The following NAV3 variants were observed in gnomAD, a reference collection of about 807,000 sequenced individuals.
NAV3 encodes the protein pore membrane and/or filament interacting like protein 1.
Under a neutral mutation model 244.7 loss-of-function variants are expected in NAV3, and 87 were observed. The ratio of observed to expected loss-of-function variants is 0.36; its 90% CI spans 0.30 to 0.42. The LOEUF is 0.42. Ranked by LOEUF, NAV3 falls within the 20% of genes least tolerant of loss-of-function variation. The pLI is 1.00. For missense variants in NAV3, 2,663 were observed against 2,893.3 expected, an observed-to-expected ratio of 0.92 and a Z score of 1.83; for synonymous variants, 1,126 against 1,042.2, an observed-to-expected ratio of 1.08 and a Z score of -1.55.
At chr12:77,655,934 C>A (rs1873077342) in intron 2 of NAV3, among the ~76,000 whole-genome samples, 1 of 143,698 alleles carries the variant, frequency 7.0e-6, no homozygotes, top group Admixed American at 6.9e-5. Context: ...ACCAGGCCTG[C>A]CCTAAAAGAG....
At chr12:78,070,367 T>C (rs1400942802) in intron 12 of NAV3, among the ~76,000 whole-genome samples, 1 of 151,606 alleles carries the variant, frequency 6.6e-6, no homozygotes, top group Non-Finnish European at 1.5e-5. Context: ...ACACCACTAG[T>C]AAATGCCAGA....
chr12:77,658,633 A>G (rs1308459209), intron 2 of NAV3, among the ~76,000 whole-genome samples: 7 of 152,144 alleles, frequency 4.6e-5, no homozygotes, highest in Non-Finnish European at 1.0e-4. Flanking sequence ...GGAACCAAAA[A>G]GGAGCCCGCA....
chr12:77,751,157 C>T (rs1170936919), intron 2 of NAV3, among the ~76,000 whole-genome samples: 1 of 152,126 alleles, frequency 6.6e-6, no homozygotes, highest in Non-Finnish European at 1.5e-5. Flanking sequence ...TGGTGTTGGT[C>T]AGGACAAGGT....
At position 78,137,263 on chromosome 12, in the gene NAV3, G is replaced by T. The variant is rs200005671; in HGVS notation, c.4528G>T (p.Asp1510Tyr). 6.2e-7 allele frequency: 1 copy of T among 1,613,618 alleles called. No individual in the cohort carries two copies. The stretch of plus-strand genomic sequence containing the variant: ...CATCCCAGCCCAAGACTCTTCCTTC[G>T]ATCTCTATGATGACTCCCAGCTTTG... ...NSIPAQDSSF[D>Y]LYDDSQLCGS... Residue 1510 changes from aspartate to tyrosine, a missense_variant, in exon 19 of 40, where the codon GAT becomes TAT. Transcript: ENST00000397909.
chr12:78,016,384 G>A lies in NAV3; in HGVS notation c.1908-5363G>A, dbSNP rs185853628. ...CCTCCAATTCCAACTCAACACCACA[G>A]TTTATTTTTCTTTCCATACTTGTGC... is the stretch of plus-strand genomic sequence containing the variant. On this transcript the variant is annotated intron_variant, in intron 8 of 39. Transcript: ENST00000397909. Among the ~76,000 whole-genome samples, 30 of 152,024 alleles carry A rather than the reference G, an allele frequency of 2.0e-4. 1 individual carries two copies. The East Asian group carries it at 3.3e-3, about 17-fold the overall frequency.
chr12:77,788,160 A>C (rs902364581), intron 2 of NAV3, among the ~76,000 whole-genome samples: 2 of 152,224 alleles, frequency 1.3e-5, no homozygotes, highest in African/African-American at 4.8e-5. Context: ...AATTGTACTG[A>C]ATATCAATAG....
At chr12:77,917,082 A>C (rs1026628589) in intron 1 of NAV3, among the ~76,000 whole-genome samples, 2 of 152,006 alleles carry the variant, frequency 1.3e-5, no homozygotes, top group African/African-American at 4.8e-5. Context: ...CAATGTAAAA[A>C]TCTGACATAT....
At chr12:77,782,754 A>G (rs1267749769) in intron 2 of NAV3, among the ~76,000 whole-genome samples, 1 of 152,236 alleles carries the variant, frequency 6.6e-6, no homozygotes, top group East Asian at 1.9e-4. Context: ...GTGAGCTTAA[A>G]GTAGTATCCA....
intron 10 of NAV3, 50 bp downstream of exon 10, chr12:78,050,151 C>G (rs1882519704): frequency 7.9e-7 from 1 of 1,263,496 alleles, no homozygotes; most frequent in African/African-American, 1.5e-5. Flanking sequence ...AAAATAATTA[C>G]AAACAAACAT....
chr12:78,096,094 C>T (rs1301619261), intron 12 of NAV3, among the ~76,000 whole-genome samples: 2 of 152,144 alleles, frequency 1.3e-5, no homozygotes, highest in Non-Finnish European at 1.5e-5. Flanking sequence ...GAAGGTAAGA[C>T]AGAGTAGTAT....
chr12:78,126,791 TAGCC>T (rs1373906060), intron 16 of NAV3, among the ~76,000 whole-genome samples: 4 of 152,172 alleles, frequency 2.6e-5, no homozygotes, highest in Admixed American at 6.5e-5. Flanking sequence ...CACTCTAACT[TAGCC>T]AGAGCAGATC....
At chr12:77,614,941 C>T (rs1260977136) in intron 2 of NAV3, among the ~76,000 whole-genome samples, 1 of 152,106 alleles carries the variant, frequency 6.6e-6, no homozygotes, top group Non-Finnish European at 1.5e-5. Flanking sequence ...GTGGTAGCAA[C>T]ATCTGGAGAC....
In NAV3 at chr12:78,190,140, A is replaced by G. The variant is rs753899544; in HGVS notation, c.6212A>G (p.Glu2071Gly). Residue 2071 changes from glutamate to glycine, a missense_variant, in exon 34 of 40, where the codon GAA becomes GGA. Physicochemically the swap from Glu to Gly is moderately conservative, Grantham distance 98. Around this residue, in one of 6 missense-constraint regions of NAV3, gnomAD observed 543 missense variants for 672.4 expected, o/e 0.81. Transcript: ENST00000397909. ...ACCTATTTGGCAAACAAACTTGCTG[A>G]ATATGTAATAACCAAATCTGGAAGG... The part of the protein sequence containing the change: ...GKTYLANKLA[E>G]YVITKSGRKK... 6.2e-7 allele frequency: 1 copy of G among 1,613,088 alleles called. No homozygotes were observed. The highest frequency in any genetic ancestry group is 1.7e-5 in the Admixed American group (1 of 59,922).
intron 2 of NAV3, among the ~76,000 whole-genome samples, chr12:77,820,647 T>C (rs1347618752): frequency 6.6e-6 from 1 of 152,158 alleles, no homozygotes; most frequent in Non-Finnish European, 1.5e-5. Flanking sequence ...ATGTCTGGGC[T>C]ATTAAAAACA....
At chr12:77,624,605 G>A (rs1306120452) in intron 2 of NAV3, among the ~76,000 whole-genome samples, 1 of 152,192 alleles carries the variant, frequency 6.6e-6, no homozygotes, top group Non-Finnish European at 1.5e-5. Flanking sequence ...GGTATGAAGT[G>A]GCTGTTGAAG....
intron 2 of NAV3, among the ~76,000 whole-genome samples, chr12:77,698,882 A>G (rs1158490292): frequency 1.3e-5 from 2 of 152,104 alleles, no homozygotes; most frequent in Non-Finnish European, 1.5e-5. Context: ...TTGGAATAGC[A>G]GGGGTTTGGT....
intron 2 of NAV3, among the ~76,000 whole-genome samples, chr12:77,739,253 G>C (rs1446516904): frequency 6.6e-6 from 1 of 152,028 alleles, no homozygotes; most frequent in Non-Finnish European, 1.5e-5. Context: ...AATGTCAGCT[G>C]TTGTTTATAT....
At chr12:77,976,671 TTTC>T (rs1240502017) in intron 5 of NAV3, among the ~76,000 whole-genome samples, 10,033 of 71,374 alleles carry the variant, frequency 0.14, 949 homozygotes, top group Non-Finnish European at 0.19. Flanking sequence ...TCTTTCTTTT[TTTC>T]TTTTTTTTTT....
At chr12:78,022,885 A>G (rs1450526714) in intron 9 of NAV3, among the ~76,000 whole-genome samples, 1 of 152,192 alleles carries the variant, frequency 6.6e-6, no homozygotes, top group African/African-American at 2.4e-5. Context: ...AGTTGATAAC[A>G]TTAGGCGTCA....
Sources: allele counts gnomAD v4.1 joint callset (sites outside exome capture counted in the v4.1 genomes callset), GRCh38; gene constraint gnomAD v4.1.1; regional missense constraint gnomAD v4.1.1; transcripts MANE v1.5; gene names NCBI Gene and HGNC (gene_info 2026-07-23, HGNC 2026-07-21).